Variants in FSHB observed in about 807,000 individuals in gnomAD.
FSHB encodes follitropin subunit beta.
Under a neutral mutation model 12.1 loss-of-function variants are expected in FSHB, and 8 were observed. That is an observed-to-expected ratio of 0.66 (90% CI 0.39 to 1.19). FSHB has a LOEUF of 1.19. FSHB is among the 50% of genes most tolerant of loss of function. FSHB has a pLI of 0.01. For synonymous variants in FSHB, 55 were observed against 54.6 expected, an observed-to-expected ratio of 1.01 and a Z score of -0.04; for missense variants, 153 against 157.2, an observed-to-expected ratio of 0.97 and a Z score of 0.14.
Position 30,231,016 on chromosome 11 carries a change from A to G in FSHB, c.-70A>G, listed in dbSNP as rs1265381205. 1 of 152,242 alleles carries G rather than the reference A, an allele frequency of 6.6e-6. No homozygotes were observed. The highest frequency in any genetic ancestry group is 2.4e-5 in the African/African-American group (1 of 41,470). 9.4% of individuals were successfully genotyped at this position (152,242 alleles called of 1,614,324 possible). ...GGTGAACTGAGATTTCATTCAGTCT[A>G]CAGCTCTTGCCAGGCAAGGCAGCCG... On this transcript the variant is annotated 5_prime_UTR_variant, in exon 1 of 3. Coordinates refer to ENST00000533718, the MANE Select transcript of FSHB (RefSeq NM_001382289.1).
intron 2 of FSHB, among the ~76,000 whole-genome samples, chr11:30,232,985 G>A (rs1349100547): frequency 1.3e-5 from 2 of 151,956 alleles, no homozygotes; most frequent in African/African-American, 4.8e-5. Flanking sequence ...ATTTCTACCT[G>A]GATTAAAAAT....
intron 2 of FSHB, 54 bp downstream of exon 2, chr11:30,232,115 G>T: frequency 6.5e-7 from 1 of 1,538,162 alleles, no homozygotes; most frequent in Non-Finnish European, 9.0e-7. Flanking sequence ...TATTAGGCCG[G>T]TTTCATTAGT....
chr11:30,231,821 G>C, intron 1 of FSHB, 45 bp from the exon 2 acceptor site: 5 of 1,477,828 alleles, frequency 3.4e-6, no homozygotes, highest in Non-Finnish European at 4.7e-6. Flanking sequence ...AATTATTTTT[G>C]GTTTGGTCAG....
In FSHB at chr11:30,233,873, C is replaced by A; in HGVS notation, c.*73C>A. ...GATATTCAAAAAGTCTGTGTGTGTG[C>A]AATGTGCCCAGGGGACAAACCACTG... On this transcript the variant is annotated 3_prime_UTR_variant, in exon 3 of 3. Coordinates refer to ENST00000533718, the MANE Select transcript of FSHB (RefSeq NM_001382289.1). 7.9e-7 allele frequency: 1 copy of A among 1,264,678 alleles called. No homozygotes were observed. The highest frequency in any genetic ancestry group is 1.1e-6 in the Non-Finnish European group (1 of 881,586). 78.3% of individuals were successfully genotyped at this position (1,264,678 alleles called of 1,614,324 possible).
At position 30,234,432 on chromosome 11, in the gene FSHB, T is replaced by C. The variant is rs1852054775; in HGVS notation, c.*632T>C. 1.3e-5 allele frequency: 2 copies of C among 156,832 alleles called. No individual in the cohort carries two copies. The highest frequency in any genetic ancestry group is 4.8e-5 in the African/African-American group (2 of 41,460). 9.7% of individuals were successfully genotyped at this position (156,832 alleles called of 1,614,324 possible). A position where few individuals can be genotyped will look rare whatever the true frequency, so the allele number is the denominator to read the frequency against. Reference sequence around the variant, plus strand: ...CAGCACATGGAGTATTGAGACATGATGTATCTTTCTGAATTGTTTGGTACA... The same window carrying C: ...CAGCACATGGAGTATTGAGACATGACGTATCTTTCTGAATTGTTTGGTACA... On this transcript the variant is annotated 3_prime_UTR_variant, in exon 3 of 3. Coordinates refer to ENST00000533718, the MANE Select transcript of FSHB (RefSeq NM_001382289.1).
rs753817237 is a variant in FSHB, at chr11:30,231,952, G to A, written c.50G>A (p.Cys17Tyr). ...CTTTTCTGTTGCTGGAAAGCAATCTGCTGCAATAGCTGTGAGCTGACCAAC... is the reference window on the plus strand; with the variant it reads ...CTTTTCTGTTGCTGGAAAGCAATCTACTGCAATAGCTGTGAGCTGACCAAC... ...FFLFCCWKAI[C>Y]CNSCELTNIT... is the part of the protein sequence containing the mutation. Residue 17 changes from cysteine (C) to tyrosine (Y), a missense_variant, in exon 2 of 3, where the codon TGC becomes TAC. Cys to Tyr is a radical substitution (Grantham distance 194). Coordinates refer to ENST00000533718, the MANE Select transcript of FSHB (RefSeq NM_001382289.1). 35 of 1,613,790 alleles carry A rather than the reference G, an allele frequency of 2.2e-5. No individual in the cohort carries two copies. The African/African-American group carries it at 3.1e-4, about 14-fold the overall frequency.
At chr11:30,232,300 G>A (rs1852019199) in intron 2 of FSHB, among the ~76,000 whole-genome samples, 1 of 152,188 alleles carries the variant, frequency 6.6e-6, no homozygotes, top group South Asian at 2.1e-4. Flanking sequence ...TTTGGTACTA[G>A]TCCAACTTTG....
intron 2 of FSHB, among the ~76,000 whole-genome samples, chr11:30,233,074 A>G (rs2133648158): frequency 6.6e-6 from 1 of 152,300 alleles, no homozygotes; most frequent in African/African-American, 2.4e-5. Flanking sequence ...AAATGTCCAC[A>G]AGGAGTTGGA....
At chr11:30,232,484 T>C (rs1852021975) in intron 2 of FSHB, among the ~76,000 whole-genome samples, 1 of 152,128 alleles carries the variant, frequency 6.6e-6, no homozygotes. Context: ...CCAAGTCACA[T>C]AAAAACATAG....
intron 2 of FSHB, among the ~76,000 whole-genome samples, 162 bp downstream of exon 2, chr11:30,232,223 A>G (rs933117711): frequency 8.5e-5 from 13 of 152,220 alleles, no homozygotes; most frequent in African/African-American, 3.1e-4. Flanking sequence ...CCACGATATC[A>G]CTTAGATGTT....
intron 2 of FSHB, among the ~76,000 whole-genome samples, chr11:30,232,312 A>G (rs1441157710): frequency 6.6e-6 from 1 of 152,196 alleles, no homozygotes; most frequent in African/African-American, 2.4e-5. Context: ...CCAACTTTGC[A>G]TCTACAGGGA....
At chr11:30,232,619 G>A (rs889449733) in intron 2 of FSHB, among the ~76,000 whole-genome samples, 17 of 152,076 alleles carry the variant, frequency 1.1e-4, no homozygotes, top group African/African-American at 3.1e-4. Flanking sequence ...CACTCCCTTC[G>A]TTATAGCATT....
At chr11:30,231,533 A>T (rs2133644819) in intron 1 of FSHB, among the ~76,000 whole-genome samples, 1 of 152,324 alleles carries the variant, frequency 6.6e-6, no homozygotes, top group African/African-American at 2.4e-5. Context: ...TCAGACAAAA[A>T]TAGACTTTAA....
rs965254359 is a variant in FSHB, at chr11:30,234,083, T to C, written c.*283T>C. On this transcript the variant is annotated 3_prime_UTR_variant, in exon 3 of 3. Coordinates refer to ENST00000533718, the MANE Select transcript of FSHB (RefSeq NM_001382289.1). The stretch of plus-strand genomic sequence containing the variant: ...GTTTCTTCTTTAAAAATCTTAGAAA[T>C]CTTCTCAGGCAATGCCTCTCTCTTA... 25 of 405,452 alleles carry C rather than the reference T, an allele frequency of 6.2e-5. No individual in the cohort carries two copies. Among genetic ancestry groups the C allele is most frequent in the African/African-American group, 4.9e-4 (24 of 48,856 alleles). 25.1% of individuals were successfully genotyped at this position (405,452 alleles called of 1,614,324 possible).
At position 30,231,741 on chromosome 11, in the gene FSHB, T is replaced by A. The variant is rs536057031; in HGVS notation, c.-37-125T>A. 179 of 694,050 alleles carry A rather than the reference T, an allele frequency of 2.6e-4. 1 individual carries two copies. The African/African-American group carries it at 3.1e-3, about 12-fold the overall frequency. 43.0% of individuals were successfully genotyped at this position (694,050 alleles called of 1,614,324 possible). On this transcript the variant is annotated intron_variant, in intron 1 of 2. Transcript: ENST00000533718. ...AATGTTGTTCCAAGAAACAAAGATGTAAGTAAAAAGGCATAAGGAAGGAAA... is the reference window on the plus strand; with the variant it reads ...AATGTTGTTCCAAGAAACAAAGATGAAAGTAAAAAGGCATAAGGAAGGAAA...
chr11:30,231,574 A>C (rs1852006268), intron 1 of FSHB, among the ~76,000 whole-genome samples: 1 of 152,218 alleles, frequency 6.6e-6, no homozygotes, highest in Non-Finnish European at 1.5e-5. Flanking sequence ...TATGATGATC[A>C]CAATTATCAG....
rs775643317 is a variant in FSHB at position 30,233,673 on chromosome 11, C to A, written c.263C>A (p.Ala88Glu). 13 of 1,614,044 alleles carry A rather than the reference C, an allele frequency of 8.1e-6. No individual in the cohort carries two copies. Among genetic ancestry groups the A allele is most frequent in the Non-Finnish European group, 1.0e-5 (12 of 1,179,940 alleles). Residue 88 changes from alanine (A) to glutamate (E), a missense_variant, in exon 3 of 3, where the codon GCA becomes GAA. Ala to Glu is a moderately radical substitution (Grantham distance 107). Coordinates refer to ENST00000533718, the MANE Select transcript of FSHB (RefSeq NM_001382289.1). ...TVRVPGCAHH[A>E]DSLYTYPVAT... ...AGAGTGCCCGGCTGTGCTCACCATG[C>A]AGATTCCTTGTATACATACCCAGTG...
In FSHB at chr11:30,232,004, A is replaced by G; in HGVS notation, c.102A>G (p.Glu34=). ...TNITIAIEKE[E]CRFCISINTT... is the part of the protein sequence containing the mutation. Reference sequence around the variant, plus strand: ...TCACCATTGCAATAGAGAAAGAAGAATGTCGTTTCTGCATAAGCATCAACA... The same window carrying G: ...TCACCATTGCAATAGAGAAAGAAGAGTGTCGTTTCTGCATAAGCATCAACA... The change falls in exon 2 of 3, where the codon GAA becomes GAG. Residue 34 remains glutamate (E), a synonymous_variant. Coordinates refer to ENST00000533718, the MANE Select transcript of FSHB (RefSeq NM_001382289.1). 3 of 1,613,974 alleles carry G rather than the reference A, an allele frequency of 1.9e-6. No individual in the cohort carries two copies. The highest frequency in any genetic ancestry group is 2.5e-6 in the Non-Finnish European group (3 of 1,179,870).
At chr11:30,233,375 A>G (rs1489591956) in intron 2 of FSHB, among the ~76,000 whole-genome samples, 195 bp from the exon 3 acceptor site, 1 of 152,240 alleles carries the variant, frequency 6.6e-6, no homozygotes, top group Non-Finnish European at 1.5e-5. Context: ...AGGAAGTAAG[A>G]AAAGAAATTA....
Sources: allele counts gnomAD v4.1 joint callset (sites outside exome capture counted in the v4.1 genomes callset), GRCh38; gene constraint gnomAD v4.1.1; transcripts MANE v1.5; gene names NCBI Gene and HGNC (gene_info 2026-07-23, HGNC 2026-07-21).